The following F13A1 variants were observed in gnomAD, a reference collection of about 807,000 sequenced individuals.
The protein encoded by F13A1 is coagulation factor XIII A chain, also known as FSF, A subunit.
Under a neutral mutation model 80.1 loss-of-function variants are expected in F13A1, and 47 were observed. The observed-to-expected ratio is 0.59, with a 90% confidence interval of 0.46 to 0.75. The LOEUF (loss-of-function observed/expected upper bound fraction) is 0.75, where lower values mean the gene tolerates loss of function less well. F13A1 is among the 30% of genes least tolerant of loss of function. The probability of loss-of-function intolerance (pLI) is 0.00; values close to 1 mark genes in which losing one functional copy is unlikely to be tolerated. For missense variants in F13A1, 817 were observed against 930.4 expected (o/e 0.88, Z 1.59); for synonymous variants, 349 against 344.9 (o/e 1.01, Z -0.13).
intron 12 of F13A1, among the ~76,000 whole-genome samples, chr6:6,170,231 G>A (rs1301164202): frequency 6.6e-6 from 1 of 152,176 alleles, no homozygotes; most frequent in Non-Finnish European, 1.5e-5. Context: ...ACTATTTCTA[G>A]AGGACTATGT....
intron 11 of F13A1, among the ~76,000 whole-genome samples, chr6:6,178,035 C>G (rs1231609841): frequency 4.4e-5 from 1 of 22,538 alleles, no homozygotes; most frequent in Non-Finnish European, 8.5e-5. Flanking sequence ...CCCTGGAGGC[C>G]ACAGGGAGAG....
chr6:6,210,347 A>ATATATATATATATATATATATATAT (rs1480582670), intron 8 of F13A1, among the ~76,000 whole-genome samples: 4 of 134,314 alleles, frequency 3.0e-5, no homozygotes, highest in African/African-American at 1.2e-4. Context: ...ATATATATAT[A>ATATATATATATATATATATATATAT]TTTCTTTTTT....
intron 12 of F13A1, chr6:6,169,362 ACTT>A (rs1323013878): frequency 6.5e-6 from 1 of 154,066 alleles, no homozygotes; most frequent in Admixed American, 6.5e-5. Context: ...AGATTCTCTG[ACTT>A]CTTACTGCAC....
chr6:6,266,223 C>A (rs143923809), intron 4 of F13A1, among the ~76,000 whole-genome samples: 1 of 152,042 alleles, frequency 6.6e-6, no homozygotes, highest in Non-Finnish European at 1.5e-5. Flanking sequence ...ATTGGAAATA[C>A]ATGAGCTTGT....
At chr6:6,293,569 A>T (rs1758263176) in intron 3 of F13A1, among the ~76,000 whole-genome samples, 1 of 151,962 alleles carries the variant, frequency 6.6e-6, no homozygotes, top group South Asian at 2.1e-4. Context: ...TCATGAACGC[A>T]GTTATCAAAG....
intron 6 of F13A1, among the ~76,000 whole-genome samples, chr6:6,239,523 G>A (rs534207419): frequency 2.0e-5 from 3 of 152,176 alleles, no homozygotes; most frequent in South Asian, 2.1e-4. Context: ...TATAACTACC[G>A]ATATATGAAT....
chr6:6,260,407 T>C (rs1757762374), intron 4 of F13A1, among the ~76,000 whole-genome samples: 1 of 152,210 alleles, frequency 6.6e-6, no homozygotes, highest in African/African-American at 2.4e-5. Context: ...TTTTGACAAT[T>C]TCTGGAAACA....
chr6:6,162,622 C>T lies in F13A1; in HGVS notation c.1908+4836G>A, dbSNP rs957229853. Among the ~76,000 whole-genome samples the T allele has an allele frequency of 7.9e-5, 12 of 152,182 alleles. No homozygotes were observed. Among genetic ancestry groups the T allele is most frequent in the East Asian group, 1.9e-4 (1 of 5,194 alleles). ...CCTTCCCTCAACAGGCACGTGATCA[C>T]GGGCCAGTTACTAATAAACAGCAAT... On this transcript the variant is annotated intron_variant, in intron 13 of 14. Coordinates refer to ENST00000264870, the MANE Select transcript of F13A1 (RefSeq NM_000129.4). This position sits in a 1 kb window ranked among gnomAD's most constrained non-coding sequence, Gnocchi z 4.2.
chr6:6,291,739 T>C (rs937224225), intron 3 of F13A1, among the ~76,000 whole-genome samples: 3 of 152,228 alleles, frequency 2.0e-5, no homozygotes, highest in Non-Finnish European at 2.9e-5. Context: ...GTTTCTGGAC[T>C]GATGCCTTAG....
At chr6:6,271,544 G>A (rs193186479) in intron 3 of F13A1, among the ~76,000 whole-genome samples, 15 of 152,158 alleles carry the variant, frequency 9.9e-5, no homozygotes, top group Admixed American at 6.5e-4. Flanking sequence ...GCAACTTTGC[G>A]TTAAAAACAT....
chr6:6,320,208 G>A (rs1304408872), intron 1 of F13A1, among the ~76,000 whole-genome samples: 1 of 152,164 alleles, frequency 6.6e-6, no homozygotes, highest in African/African-American at 2.4e-5. Context: ...AGCCGGCGGG[G>A]TTCCAGTCTA....
At chr6:6,260,321 T>G (rs1757761135) in intron 4 of F13A1, among the ~76,000 whole-genome samples, 1 of 152,208 alleles carries the variant, frequency 6.6e-6, no homozygotes, top group Admixed American at 6.5e-5. Context: ...TATCAATAAG[T>G]GCTGTGCATG....
At chr6:6,294,368 TC>T (rs1205485659) in intron 3 of F13A1, among the ~76,000 whole-genome samples, 1 of 152,128 alleles carries the variant, frequency 6.6e-6, no homozygotes, top group East Asian at 1.9e-4. Context: ...GCTGGATGCT[TC>T]CTGCCTTTGA....
intron 3 of F13A1, among the ~76,000 whole-genome samples, chr6:6,269,263 G>A (rs1310582416): frequency 6.6e-6 from 1 of 152,090 alleles, no homozygotes; most frequent in Non-Finnish European, 1.5e-5. Context: ...GTCATAGTTT[G>A]TGATGGGGAG....
At chr6:6,217,901 C>T (rs747242127) in intron 8 of F13A1, among the ~76,000 whole-genome samples, 32 of 152,144 alleles carry the variant, frequency 2.1e-4, no homozygotes, top group Non-Finnish European at 4.4e-4. Context: ...CCACCCATTG[C>T]AGCATGGAGT....
chr6:6,197,537 G>A (rs565184543), intron 8 of F13A1, among the ~76,000 whole-genome samples: 43 of 152,262 alleles, frequency 2.8e-4, no homozygotes, highest in African/African-American at 9.9e-4. Context: ...AATTAGCTGG[G>A]TGTGGTGGCG....
chr6:6,213,289 G>A (rs1761654431), intron 8 of F13A1, among the ~76,000 whole-genome samples: 1 of 151,238 alleles, frequency 6.6e-6, no homozygotes, highest in Admixed American at 6.6e-5. Flanking sequence ...GAAAGGTCGG[G>A]TTACCCTCAA....
chr6:6,170,208 A>G (rs1760747553), intron 12 of F13A1, among the ~76,000 whole-genome samples: 1 of 152,220 alleles, frequency 6.6e-6, no homozygotes, highest in Non-Finnish European at 1.5e-5. Context: ...CAATAATAAA[A>G]TGACTTCTTC....
At chr6:6,183,547 G>A (rs146990218) in intron 10 of F13A1, among the ~76,000 whole-genome samples, 14 of 152,278 alleles carry the variant, frequency 9.2e-5, no homozygotes, top group Admixed American at 2.6e-4. Flanking sequence ...CCTAAATCAC[G>A]TGAGGCCCTA....
Sources: gnomAD v4.1 joint callset for allele counts (sites outside exome capture counted in the v4.1 genomes callset) on GRCh38, gnomAD v4.1.1 for gene constraint, Gnocchi (gnomAD v3.1) non-coding constraint, MANE v1.5 for transcripts, NCBI Gene and HGNC (gene_info 2026-07-23, HGNC 2026-07-21) for gene names.